EPB42: variants seen among roughly 807,000 people sequenced by gnomAD.
The protein encoded by EPB42 is protein 4.2.
Under a neutral mutation model 76.9 loss-of-function variants are expected in EPB42, and 49 were observed. The ratio of observed to expected loss-of-function variants is 0.64; its 90% confidence interval spans 0.51 to 0.81. The LOEUF (loss-of-function observed/expected upper bound fraction) is 0.81, where lower values mean the gene tolerates loss of function less well. Among genes scored for constraint, EPB42 ranks in the 30% least tolerant of loss-of-function variants. EPB42 has a pLI of 0.00. For synonymous variants in EPB42, 310 were observed against 338.4 expected, an observed-to-expected ratio of 0.92 and a Z score of 0.92; for missense variants, 731 against 867.6, an observed-to-expected ratio of 0.84 and a Z score of 1.98.
At chr15:43,199,933 TC>T (rs895385945) in intron 12 of EPB42, among the ~76,000 whole-genome samples, 13 of 152,334 alleles carry the variant, frequency 8.5e-5, no homozygotes, top group African/African-American at 3.1e-4. Context: ...TTCTGAGGCC[TC>T]CCCAGTCATG....
intron 10 of EPB42, chr15:43,205,995 C>G: frequency 4.0e-6 from 1 of 249,182 alleles, no homozygotes; most frequent in Non-Finnish European, 7.8e-6. Context: ...TTCCAGATTC[C>G]ATGCAGTACA....
At position 43,220,978 on chromosome 15, in the gene EPB42, C is replaced by T. The variant is rs188720172; in HGVS notation, c.-153G>A. The T allele has an allele frequency of 5.8e-6, 4 of 695,586 alleles. No individual in the cohort carries two copies. The highest frequency in any genetic ancestry group is 5.4e-5 in the East Asian group (2 of 36,830). 43.1% of individuals were successfully genotyped at this position (695,586 alleles called of 1,614,324 possible). ...AATCTGGAAATAGCAAAACCTCCCC[C>T]CACTACTCCTGTGAGCACCCTGACA... On this transcript the variant is annotated 5_prime_UTR_variant, in exon 1 of 13. Coordinates refer to ENST00000441366, the MANE Select transcript of EPB42 (RefSeq NM_001114134.2).
chr15:43,220,780 G>A (rs1008218126), intron 1 of EPB42, 36 bp downstream of exon 1: 12 of 1,612,852 alleles, frequency 7.4e-6, no homozygotes, highest in Non-Finnish European at 1.0e-5. Context: ...GCTGCATACA[G>A]TCCAGCAAGC....
chr15:43,210,455 C>CA lies in EPB42; in HGVS notation c.550-17dup, dbSNP rs1293093345. 1 of 1,611,516 alleles carries CA rather than the reference C, an allele frequency of 6.2e-7. No individual in the cohort carries two copies. The highest frequency in any genetic ancestry group is 1.7e-5 in the Admixed American group (1 of 60,000). ...CCCCCTCGAACTGTTAAGGATCACA[C>CA]AGGGCCATGATGAAGGGTCCCCACA... On this transcript the variant is annotated splice_polypyrimidine_tract_variant and intron_variant, in intron 4 of 12. Coordinates refer to ENST00000441366, the MANE Select transcript of EPB42 (RefSeq NM_001114134.2).
chr15:43,225,130 A>G (rs1008947552), upstream of EPB42, among the ~76,000 whole-genome samples: 1 of 152,210 alleles, frequency 6.6e-6, no homozygotes, highest in Non-Finnish European at 1.5e-5. Flanking sequence ...ATAGTATACT[A>G]TCTTTGTGTA....
At chr15:43,199,558 C>T (rs1029470173) in intron 12 of EPB42, among the ~76,000 whole-genome samples, 19 of 152,098 alleles carry the variant, frequency 1.2e-4, no homozygotes, top group African/African-American at 2.2e-4. Flanking sequence ...TGCCTTGTCT[C>T]GGGTGAGACT....
rs2042361669 is a variant in EPB42, at chr15:43,215,322, T to A, written c.203A>T (p.Gln68Leu). Residue 68 changes from glutamine (Q) to leucine (L), a missense_variant, in exon 3 of 13, where the codon CAG becomes CTG. Coordinates refer to ENST00000441366, the MANE Select transcript of EPB42 (RefSeq NM_001114134.2). The part of the protein sequence containing the change: ...KVALTAQTGE[Q>L]PSKINRTQAT... ...TTGGGTCCTGTTGATCTTGGAAGGC[T>A]GCTCTCCTGTAGTCACACGGTGATT... is the stretch of plus-strand genomic sequence containing the variant. The A allele has an allele frequency of 6.2e-7, 1 of 1,614,108 alleles. No individual in the cohort carries two copies. Among genetic ancestry groups the A allele is most frequent in the African/African-American group, 1.3e-5 (1 of 74,934 alleles).
In EPB42 at chr15:43,215,121, G is replaced by T; in HGVS notation, c.404C>A (p.Thr135Lys). ...GRKQLLLGQF[T>K]LLFNPWNRED... ...TCTATTCCAGGGGTTAAAAAGCAGT[G>T]TGAACTGACCCAAGAGGAGTTGCTT... Residue 135 changes from threonine to lysine, a missense_variant, in exon 3 of 13, where the codon ACA becomes AAA. Transcript: ENST00000441366. 3 of 1,614,232 alleles carry T rather than the reference G, an allele frequency of 1.9e-6. No individual in the cohort carries two copies. Among genetic ancestry groups the T allele is most frequent in the Non-Finnish European group, 2.5e-6 (3 of 1,180,046 alleles).
intron 2 of EPB42, among the ~76,000 whole-genome samples, 184 bp from the exon 3 acceptor site, chr15:43,215,512 T>C (rs540110531): frequency 9.4e-4 from 143 of 152,342 alleles, no homozygotes; most frequent in Non-Finnish European, 1.8e-3. Flanking sequence ...TTGGCACCCA[T>C]GGACCTTCAT....
Position 43,210,348 on chromosome 15 carries a change from A to G in EPB42, c.641T>C (p.Val214Ala). The change falls in exon 5 of 13, where the codon GTG (valine) becomes GCG (alanine). Residue 214 changes from valine (V) to alanine (A), a missense_variant. Physicochemically the swap from Val to Ala is moderately conservative, Grantham distance 64. Transcript: ENST00000441366. ...CCTCTCGCTTACCAAGGCACCCAAC[A>G]CACGGGCCACGTGCACCGGCTGGCT... is the stretch of plus-strand genomic sequence containing the variant. The part of the protein sequence containing the change: ...KWSQPVHVAR[V>A]LGALLHFLKE... 6.2e-7 allele frequency: 1 copy of G among 1,613,532 alleles called. No homozygotes were observed. The highest frequency in any genetic ancestry group is 8.5e-7 in the Non-Finnish European group (1 of 1,179,926).
chr15:43,217,215 C>T (rs184677738), intron 1 of EPB42, among the ~76,000 whole-genome samples: 199 of 152,180 alleles, frequency 1.3e-3, no homozygotes, highest in Middle Eastern at 3.4e-3. Context: ...TAGCACCATC[C>T]CCCTAGTGCT....
intron 10 of EPB42, among the ~76,000 whole-genome samples, chr15:43,205,451 G>C (rs1265911658): frequency 6.6e-6 from 1 of 152,250 alleles, no homozygotes; most frequent in East Asian, 1.9e-4. Context: ...CCAGGCTGGA[G>C]TGCAGTGGCA....
intron 3 of EPB42, among the ~76,000 whole-genome samples, chr15:43,211,919 A>C (rs74939288): frequency 7.9e-5 from 12 of 151,982 alleles, no homozygotes; most frequent in South Asian, 2.1e-4. Flanking sequence ...TAAAAAAAAA[A>C]CAGCCAGGTG....
In EPB42 at chr15:43,206,365, CT is replaced by C; in HGVS notation, c.1582del (p.Arg528GlyfsTer15). On this transcript the variant is annotated frameshift_variant, in exon 10 of 13. Coordinates refer to ENST00000441366, the MANE Select transcript of EPB42 (RefSeq NM_001114134.2). LOFTEE classifies it high-confidence loss of function. This position sits in a 1 kb window ranked among gnomAD's most constrained non-coding sequence, Gnocchi z 4.7. The part of the protein sequence containing the change: ...YNGVLAAKLW[R>X]KKLHLTLSAN... ...ACTGAGCGTGAGGTGCAGCTTCTTC[CT>C]CCAGAGCTTGGCAGCAAGGACACCG... The C allele has an allele frequency of 6.2e-7, 1 of 1,613,270 alleles. No individual in the cohort carries two copies. The highest frequency in any genetic ancestry group is 8.5e-7 in the Non-Finnish European group (1 of 1,179,276).
chr15:43,225,273 T>A (rs2042497835), upstream of EPB42, among the ~76,000 whole-genome samples: 1 of 152,262 alleles, frequency 6.6e-6, no homozygotes, highest in Non-Finnish European at 1.5e-5. Flanking sequence ...ACCCTTTGTA[T>A]CTTTGTGCCA....
rs1000575422 is a variant in EPB42 at position 43,208,490 on chromosome 15, T to C, written c.971+147A>G. 2.8e-6 allele frequency: 4 copies of C among 1,429,838 alleles called. No homozygotes were observed. In the East Asian group the frequency reaches 9.1e-5, roughly 33 times the overall value. 88.6% of individuals were successfully genotyped at this position (1,429,838 alleles called of 1,614,324 possible). ...CTCCCAGGAAGGGGCGTGCACACCATCACTGACCATCAGCGCCGCCTCTAA... is the reference window on the plus strand; with the variant it reads ...CTCCCAGGAAGGGGCGTGCACACCACCACTGACCATCAGCGCCGCCTCTAA... On this transcript the variant is annotated intron_variant, in intron 7 of 12. Coordinates refer to ENST00000441366, the MANE Select transcript of EPB42 (RefSeq NM_001114134.2).
chr15:43,206,278 G>A lies in EPB42; in HGVS notation c.1618+52C>T, dbSNP rs1255758946. Reference sequence around the variant, plus strand: ...TGGCTGCTGCCTGCCCAAGGCAGGGGCCATGTGTGTGTGTGTGTCGGGGGG... The same window carrying A: ...TGGCTGCTGCCTGCCCAAGGCAGGGACCATGTGTGTGTGTGTGTCGGGGGG... On this transcript the variant is annotated intron_variant, in intron 10 of 12. Transcript: ENST00000441366. This position sits in a 1 kb window ranked among gnomAD's most constrained non-coding sequence, Gnocchi z 4.7. The A allele has an allele frequency of 2.6e-6, 4 of 1,547,444 alleles. No homozygotes were observed. The highest frequency in any genetic ancestry group is 1.4e-5 in the African/African-American group (1 of 73,876).
chr15:43,212,610 T>C (rs546620262), intron 3 of EPB42, among the ~76,000 whole-genome samples: 108 of 151,578 alleles, frequency 7.1e-4, no homozygotes, highest in South Asian at 2.9e-3. Flanking sequence ...GGTTGGAGGG[T>C]TGGAAGGAGC....
chr15:43,210,305 C>T (rs2042274206), intron 5 of EPB42, 30 bp downstream of exon 5: 4 of 1,601,244 alleles, frequency 2.5e-6, no homozygotes, highest in Non-Finnish European at 3.4e-6. Flanking sequence ...TCACCCCTGC[C>T]CCATTCTGGT....
Sources: gnomAD v4.1 joint callset for allele counts (sites outside exome capture counted in the v4.1 genomes callset) on GRCh38, gnomAD v4.1.1 for gene constraint, Gnocchi (gnomAD v3.1) non-coding constraint, MANE v1.5 for transcripts, NCBI Gene and HGNC (gene_info 2026-07-23, HGNC 2026-07-21) for gene names.